The following NUDT3 variants were observed in gnomAD, a reference collection of about 807,000 sequenced individuals.
NUDT3 encodes the protein diphosphoinositol polyphosphate phosphohydrolase 1.
NUDT3 carries 9 observed loss-of-function variants against 23.6 expected under a neutral mutation model. The ratio of observed to expected loss-of-function variants is 0.38; its 90% CI spans 0.23 to 0.66. The LOEUF is 0.66. Ranked by LOEUF, NUDT3 falls within the 30% of genes least tolerant of loss-of-function variation. The pLI is 0.52. For synonymous variants in NUDT3, 86 were observed against 82.6 expected (o/e 1.04, Z -0.22); for missense variants, 172 against 218.5 (o/e 0.79, Z 1.34).
At chr6:34,389,286 G>A (rs7760471) in intron 1 of NUDT3, among the ~76,000 whole-genome samples, 1 of 152,118 alleles carries the variant, frequency 6.6e-6, no homozygotes, top group Admixed American at 6.5e-5. Context: ...ACAAGTGTTT[G>A]GGAGTTCCTC....
chr6:34,391,149 C>T (rs371250988), intron 1 of NUDT3, among the ~76,000 whole-genome samples: 1 of 152,202 alleles, frequency 6.6e-6, no homozygotes. Flanking sequence ...TCCTGGCAAT[C>T]CATCTGTCTC....
At chr6:34,291,142 A>G (rs565137773) in intron 4 of NUDT3, among the ~76,000 whole-genome samples, 21 of 152,150 alleles carry the variant, frequency 1.4e-4, no homozygotes, top group African/African-American at 5.1e-4. Context: ...TATTTTTAGT[A>G]GAGATGGGGT....
At chr6:34,343,105 G>C (rs1445763028) in intron 1 of NUDT3, among the ~76,000 whole-genome samples, 1 of 152,064 alleles carries the variant, frequency 6.6e-6, no homozygotes, top group Admixed American at 6.6e-5. Flanking sequence ...CTAATATATA[G>C]GCCATGGACT....
At chr6:34,355,077 G>A (rs897630407) in intron 1 of NUDT3, among the ~76,000 whole-genome samples, 2 of 152,002 alleles carry the variant, frequency 1.3e-5, no homozygotes, top group African/African-American at 2.4e-5. Flanking sequence ...AATAGAAGTG[G>A]TAAGAGCAGA....
chr6:34,350,947 T>C (rs1764457231), intron 1 of NUDT3, among the ~76,000 whole-genome samples: 1 of 150,278 alleles, frequency 6.7e-6, no homozygotes, highest in African/African-American at 2.5e-5. Context: ...TGAAAAGGTT[T>C]CCACAGATAC....
At chr6:34,346,810 C>T (rs529215951) in intron 1 of NUDT3, among the ~76,000 whole-genome samples, 3 of 152,290 alleles carry the variant, frequency 2.0e-5, no homozygotes, top group East Asian at 1.9e-4. Flanking sequence ...GGCTGAAGCG[C>T]CGTGGCAGGA....
intron 2 of NUDT3, among the ~76,000 whole-genome samples, chr6:34,303,509 T>C (rs1341754830): frequency 6.6e-6 from 1 of 152,192 alleles, no homozygotes; most frequent in Admixed American, 6.5e-5. Context: ...GTTAGCATAA[T>C]AGCAAGCATA....
intron 2 of NUDT3, among the ~76,000 whole-genome samples, chr6:34,332,357 G>GT (rs1383471918): frequency 1.3e-5 from 2 of 152,074 alleles, no homozygotes; most frequent in Non-Finnish European, 2.9e-5. Flanking sequence ...CCCAGTAAAG[G>GT]TTTTTTCCTC....
intron 1 of NUDT3, among the ~76,000 whole-genome samples, chr6:34,391,811 C>T (rs1765205598): frequency 6.6e-6 from 1 of 151,834 alleles, no homozygotes; most frequent in South Asian, 2.1e-4. Flanking sequence ...CCAAACCTGC[C>T]AATGAAGTGC....
intron 1 of NUDT3, among the ~76,000 whole-genome samples, chr6:34,375,501 T>A (rs114505157): frequency 0.021 from 3,206 of 152,274 alleles, 44 homozygotes; most frequent in Non-Finnish European, 0.032. Context: ...TCCAAATGTA[T>A]CCCCTTATAA....
chr6:34,336,170 G>A (rs891072738), intron 2 of NUDT3, among the ~76,000 whole-genome samples: 12 of 152,096 alleles, frequency 7.9e-5, no homozygotes, highest in East Asian at 1.9e-4. Context: ...TTGGGAGGCT[G>A]AGGCAGGAGA....
intron 2 of NUDT3, among the ~76,000 whole-genome samples, chr6:34,314,027 G>A (rs191731855): frequency 8.2e-4 from 124 of 152,088 alleles, no homozygotes; most frequent in African/African-American, 2.9e-3. Context: ...AACCCAGGAG[G>A]CGGAGGATGT....
chr6:34,355,285 T>C (rs1011378874), intron 1 of NUDT3, among the ~76,000 whole-genome samples: 5 of 152,136 alleles, frequency 3.3e-5, no homozygotes, highest in Admixed American at 6.5e-5. Flanking sequence ...GATACGATGA[T>C]ATGGTGGTTC....
At chr6:34,383,679 G>C (rs771189758) in intron 1 of NUDT3, among the ~76,000 whole-genome samples, 28 of 152,204 alleles carry the variant, frequency 1.8e-4, no homozygotes, top group Admixed American at 1.4e-3. Context: ...GCACACAGTA[G>C]ATGTGCAGCA....
chr6:34,321,878 C>T (rs528801619), intron 2 of NUDT3, among the ~76,000 whole-genome samples: 8 of 152,296 alleles, frequency 5.3e-5, no homozygotes, highest in Admixed American at 1.3e-4. Flanking sequence ...CTACTGAGCA[C>T]TTGAAATGTG....
At chr6:34,335,824 G>A (rs540590205) in intron 2 of NUDT3, among the ~76,000 whole-genome samples, 4 of 150,828 alleles carry the variant, frequency 2.7e-5, no homozygotes, top group East Asian at 1.9e-4. Context: ...CTGGGCTCAC[G>A]TGATCCTCCT....
intron 2 of NUDT3, among the ~76,000 whole-genome samples, chr6:34,299,600 A>ATTT (rs147548768): frequency 7.3e-6 from 1 of 137,058 alleles, no homozygotes; most frequent in Non-Finnish European, 1.6e-5. Context: ...ATTTTCTTGA[A>ATTT]TTTTTTTTTT....
intron 1 of NUDT3, among the ~76,000 whole-genome samples, chr6:34,358,897 T>G (rs973854237): frequency 6.6e-6 from 1 of 152,182 alleles, no homozygotes; most frequent in African/African-American, 2.4e-5. Context: ...AGAAAGATAG[T>G]TATTGCAAGG....
chr6:34,371,583 T>C (rs987128739), intron 1 of NUDT3, among the ~76,000 whole-genome samples: 1 of 152,202 alleles, frequency 6.6e-6, no homozygotes, highest in Non-Finnish European at 1.5e-5. Flanking sequence ...CCTTACGAGA[T>C]CCTTTCTGAA....
Sources: allele counts gnomAD v4.1 joint callset (sites outside exome capture counted in the v4.1 genomes callset), GRCh38; gene constraint gnomAD v4.1.1; transcripts MANE v1.5; gene names NCBI Gene and HGNC (gene_info 2026-07-23, HGNC 2026-07-21).